The following CDON variants were observed in gnomAD, a reference collection of about 807,000 sequenced individuals.
The protein encoded by CDON is cell adhesion associated, oncogene regulated.
In CDON, 73 loss-of-function variants were observed where a neutral mutation model predicts 120.9. The ratio of observed to expected loss-of-function variants is 0.60; its 90% CI spans 0.50 to 0.73. CDON has a LOEUF of 0.73. Ranked by LOEUF, CDON falls within the 30% of genes least tolerant of loss-of-function variation. The pLI is 0.00. For missense variants in CDON, 1,470 were observed against 1,587.3 expected (o/e 0.93, Z 1.26); for synonymous variants, 566 against 573.5 (o/e 0.99, Z 0.19).
Position 126,034,555 on chromosome 11 carries a change from T to C in CDON, c.-61-11018A>G, listed in dbSNP as rs1284837127. Among the ~76,000 whole-genome samples the C allele has an allele frequency of 1.3e-5, 2 of 152,002 alleles. No individual in the cohort carries two copies. The highest frequency in any genetic ancestry group is 2.9e-5 in the Non-Finnish European group (2 of 67,988). ...TGTGTGTTTAAAAAAAAAAGTCAAG[T>C]GTTCCTGTTCCACTCTCTTTCTAAG... On this transcript the variant is annotated intron_variant, in intron 1 of 19. Coordinates refer to ENST00000531738, the MANE Select transcript of CDON (RefSeq NM_001378964.1). The surrounding 1 kb of genome is among the most constrained non-coding windows in gnomAD (Gnocchi z 4.5).
chr11:126,009,901 A>G (rs1380890118), intron 8 of CDON, among the ~76,000 whole-genome samples: 1 of 152,190 alleles, frequency 6.6e-6, no homozygotes, highest in Non-Finnish European at 1.5e-5. Context: ...TTAGAAAATA[A>G]CTTTGGATAA....
intron 18 of CDON, among the ~76,000 whole-genome samples, chr11:125,973,041 T>C (rs895341452): frequency 6.3e-5 from 9 of 142,528 alleles, no homozygotes; most frequent in Admixed American, 1.5e-4. Context: ...TTTTTTTTTT[T>C]TAAATCCCTC....
At chr11:125,998,358 C>T (rs12577979) in intron 11 of CDON, among the ~76,000 whole-genome samples, 39,643 of 151,888 alleles carry the variant, frequency 0.26, 5,265 homozygotes, top group South Asian at 0.32. Context: ...TGGCCTGGTG[C>T]CCTCCCCATG....
intron 1 of CDON, among the ~76,000 whole-genome samples, chr11:126,038,744 G>T (rs1948171873): frequency 6.6e-6 from 1 of 151,816 alleles, no homozygotes; most frequent in Admixed American, 6.6e-5. Flanking sequence ...AAGAACTTAC[G>T]TTTTAAGATG....
At chr11:125,995,475 C>T (rs1206147322) in intron 12 of CDON, among the ~76,000 whole-genome samples, 1 of 152,182 alleles carries the variant, frequency 6.6e-6, no homozygotes, top group Non-Finnish European at 1.5e-5. Flanking sequence ...AACTGAAGCA[C>T]GGTTTAATAC....
rs566390376 is a variant in CDON, at chr11:125,960,246, A to G, written c.*696T>C. ...GCCAGACGTGGTGGCTCACGCCTGT[A>G]ATCCTCGCACTTTGGGAGGCGGAGG... On this transcript the variant is annotated 3_prime_UTR_variant, in exon 20 of 20. Transcript: ENST00000531738. The G allele has an allele frequency of 2.4e-3, 360 of 152,884 alleles. No homozygotes were observed. The highest frequency in any genetic ancestry group is 4.3e-3 in the Non-Finnish European group (294 of 68,482). The allele number at this position is 152,884 out of a possible 1,614,324, so 9.5% of individuals were successfully genotyped here.
chr11:126,024,558 G>C (rs1188374564), intron 1 of CDON, among the ~76,000 whole-genome samples: 6 of 151,900 alleles, frequency 3.9e-5, no homozygotes, highest in African/African-American at 1.4e-4. Context: ...ACTGAAATGG[G>C]GAAGACTAGA....
At chr11:125,986,258 G>A (rs539904758) in intron 15 of CDON, among the ~76,000 whole-genome samples, 15 of 152,176 alleles carry the variant, frequency 9.9e-5, no homozygotes, top group Admixed American at 6.5e-4. Flanking sequence ...GAGAACCCTC[G>A]GACACAGGGC....
intron 17 of CDON, among the ~76,000 whole-genome samples, chr11:125,978,899 T>C (rs1178949173): frequency 6.6e-6 from 1 of 152,214 alleles, no homozygotes; most frequent in Non-Finnish European, 1.5e-5. Context: ...TTTTAAAGCA[T>C]GCTATATTTT....
chr11:125,998,775 G>C (rs1297353533), intron 11 of CDON, among the ~76,000 whole-genome samples: 1 of 152,198 alleles, frequency 6.6e-6, no homozygotes, highest in African/African-American at 2.4e-5. Context: ...GATCATCTGT[G>C]AACTGGATAG....
intron 7 of CDON, among the ~76,000 whole-genome samples, chr11:126,013,841 T>C (rs1384670739): frequency 6.6e-6 from 1 of 152,124 alleles, no homozygotes; most frequent in African/African-American, 2.4e-5. Flanking sequence ...ATCTATTCTG[T>C]TATCCTTTTA....
intron 1 of CDON, among the ~76,000 whole-genome samples, chr11:126,042,233 T>C (rs1323975334): frequency 1.3e-5 from 2 of 152,220 alleles, no homozygotes; most frequent in Admixed American, 6.5e-5. Flanking sequence ...AATTATAAGA[T>C]TAGGATTTTA....
chr11:126,023,018 G>A (rs1421025343), intron 2 of CDON, among the ~76,000 whole-genome samples: 1 of 152,138 alleles, frequency 6.6e-6, no homozygotes, highest in Non-Finnish European at 1.5e-5. Flanking sequence ...ACTCCCAGTT[G>A]AACACAGTAT....
chr11:125,984,964 G>A (rs1351253564), intron 15 of CDON, among the ~76,000 whole-genome samples: 1 of 152,048 alleles, frequency 6.6e-6, no homozygotes, highest in Non-Finnish European at 1.5e-5. Flanking sequence ...TCGGTGTTCT[G>A]GGTAATAGCG....
In CDON at chr11:125,994,405, A is replaced by G; in HGVS notation, c.2545-16T>C. The G allele has an allele frequency of 7.5e-7, 1 of 1,334,930 alleles. No homozygotes were observed. The highest frequency in any genetic ancestry group is 2.3e-5 in the East Asian group (1 of 43,498). The allele number at this position is 1,334,930 out of a possible 1,614,324, so 82.7% of individuals were successfully genotyped here. The stretch of plus-strand genomic sequence containing the variant: ...ATGGAATGTACTAAAAAACAGAAGC[A>G]AAGACTTGTCAAAGAGAAAAATTAA... On this transcript the variant is annotated splice_polypyrimidine_tract_variant and intron_variant, in intron 13 of 19. Coordinates refer to ENST00000531738, the MANE Select transcript of CDON (RefSeq NM_001378964.1).
intron 1 of CDON, among the ~76,000 whole-genome samples, chr11:126,042,387 G>A (rs1285344724): frequency 6.6e-6 from 1 of 152,188 alleles, no homozygotes; most frequent in Non-Finnish European, 1.5e-5. Context: ...TGGCAAGAAG[G>A]TGGGACACAT....
chr11:126,051,230 G>A (rs975715111), intron 1 of CDON, among the ~76,000 whole-genome samples: 2 of 152,164 alleles, frequency 1.3e-5, no homozygotes, highest in African/African-American at 4.8e-5. Context: ...CTAAGGAAAC[G>A]TGAATCTAGC....
intron 18 of CDON, among the ~76,000 whole-genome samples, chr11:125,969,369 A>G (rs1945895397): frequency 1.3e-5 from 2 of 152,270 alleles, no homozygotes; most frequent in African/African-American, 2.4e-5. Context: ...CACAAAAATC[A>G]TATCTGTACA....
chr11:126,005,319 C>CAAAAAAAAAAA (rs1190865199), intron 9 of CDON: 1 of 20,600 alleles, frequency 4.9e-5, no homozygotes, highest in African/African-American at 1.7e-4. Context: ...AAAAAAAAAA[C>CAAAAAAAAAAA]AAACAAACAA....
Sources: gnomAD v4.1 joint callset for allele counts (sites outside exome capture counted in the v4.1 genomes callset) on GRCh38, gnomAD v4.1.1 for gene constraint, Gnocchi (gnomAD v3.1) non-coding constraint, MANE v1.5 for transcripts, NCBI Gene and HGNC (gene_info 2026-07-23, HGNC 2026-07-21) for gene names.